The following TMED10 variants were observed in gnomAD, a reference collection of about 807,000 sequenced individuals.
The protein encoded by TMED10 is transmembrane emp24 domain-containing protein 10.
In TMED10, 7 loss-of-function variants were observed where a neutral mutation model predicts 23.1. The ratio of observed to expected loss-of-function variants is 0.30; its 90% CI spans 0.17 to 0.57. The LOEUF (loss-of-function observed/expected upper bound fraction) is 0.57, where lower values mean the gene tolerates loss of function less well. Among genes scored for constraint, TMED10 ranks in the 20% least tolerant of loss-of-function variants. The pLI, the probability that TMED10 is intolerant of heterozygous loss-of-function variation, is 0.91. For synonymous variants in TMED10, 113 were observed against 106.9 expected (o/e 1.06, Z -0.35); for missense variants, 162 against 274.8 (o/e 0.59, Z 2.90).
chr14:75,150,919 T>C (rs1895948171), intron 2 of TMED10, among the ~76,000 whole-genome samples: 1 of 152,224 alleles, frequency 6.6e-6, no homozygotes. Context: ...TTTGTTTGTT[T>C]TGAGACAGAG....
chr14:75,139,929 G>A (rs975518162), intron 3 of TMED10, among the ~76,000 whole-genome samples: 2 of 152,006 alleles, frequency 1.3e-5, no homozygotes, highest in Non-Finnish European at 2.9e-5. Context: ...TCTAAACCTA[G>A]AAATCCAAAT....
chr14:75,176,541 A>G lies in TMED10; in HGVS notation c.39T>C (p.Pro13=), dbSNP rs1380468827. ...ACAAAAGCAGCAACGCTAACGGAAAAGGGCCGCGCCGGGCTGGTGGGCCAG... is the reference window on the plus strand; with the variant it reads ...ACAAAAGCAGCAACGCTAACGGAAAGGGGCCGCGCCGGGCTGGTGGGCCAG... ...GLSGPPARRG[P]FPLALLLLFL... Residue 13 remains proline (P), a synonymous_variant, in exon 1 of 5, where the codon CCT becomes CCC. Transcript: ENST00000303575. The G allele has an allele frequency of 1.2e-6, 2 of 1,614,114 alleles. No homozygotes were observed. The highest frequency in any genetic ancestry group is 1.1e-5 in the South Asian group (1 of 91,076).
intron 1 of TMED10, among the ~76,000 whole-genome samples, chr14:75,173,824 A>G (rs2139865534): frequency 6.6e-6 from 1 of 152,246 alleles, no homozygotes; most frequent in Non-Finnish European, 1.5e-5. Context: ...ACTGCCTCCC[A>G]GGTTCTAGTG....
chr14:75,169,674 T>C (rs1472745735), intron 1 of TMED10, among the ~76,000 whole-genome samples: 4 of 152,062 alleles, frequency 2.6e-5, no homozygotes, highest in Non-Finnish European at 5.9e-5. Context: ...AAAGACTGCC[T>C]CATTCAGCAC....
intron 1 of TMED10, among the ~76,000 whole-genome samples, chr14:75,166,898 G>C (rs1457411142): frequency 1.3e-5 from 2 of 150,932 alleles, no homozygotes; most frequent in African/African-American, 4.9e-5. Context: ...TTGATAAAAA[G>C]GATGGTTCAT....
intron 3 of TMED10, among the ~76,000 whole-genome samples, chr14:75,145,420 T>C (rs1232545522): frequency 6.6e-6 from 1 of 152,186 alleles, no homozygotes; most frequent in Non-Finnish European, 1.5e-5. Flanking sequence ...AAACCCACAA[T>C]AATGTCATCT....
At chr14:75,143,779 C>T (rs1246698232) in intron 3 of TMED10, among the ~76,000 whole-genome samples, 1 of 152,030 alleles carries the variant, frequency 6.6e-6, no homozygotes, top group Non-Finnish European at 1.5e-5. Flanking sequence ...ACTAAAAATA[C>T]AAAAATTAGC....
intron 1 of TMED10, among the ~76,000 whole-genome samples, chr14:75,164,162 T>C (rs1284624007): frequency 2.0e-5 from 3 of 151,068 alleles, no homozygotes; most frequent in Non-Finnish European, 4.4e-5. Context: ...GACTCCCGGG[T>C]TCAAGCAATT....
chr14:75,132,921 TTTC>T lies in TMED10; in HGVS notation c.*1961_*1963del, dbSNP rs1333261521. The T allele has an allele frequency of 1.3e-5, 2 of 152,440 alleles. No individual in the cohort carries two copies. The highest frequency in any genetic ancestry group is 1.3e-4 in the Admixed American group (2 of 15,290). 9.4% of individuals were successfully genotyped at this position (152,440 alleles called of 1,614,324 possible). On this transcript the variant is annotated 3_prime_UTR_variant, in exon 5 of 5. Coordinates refer to ENST00000303575, the MANE Select transcript of TMED10 (RefSeq NM_006827.6). ...ACTTTCTTGGGAGATGTGGGAAAGA[TTTC>T]AAGTCACAGCATTTTTCATAACTGT... is the stretch of plus-strand genomic sequence containing the variant.
At chr14:75,162,654 A>AG (rs1377598680) in intron 1 of TMED10, among the ~76,000 whole-genome samples, 1 of 152,174 alleles carries the variant, frequency 6.6e-6, no homozygotes, top group African/African-American at 2.4e-5. Flanking sequence ...AACATCATTA[A>AG]GGGGGAAAAA....
In TMED10 at chr14:75,132,946, CTG is replaced by C. The variant is rs1895705509; in HGVS notation, c.*1937_*1938del. On this transcript the variant is annotated 3_prime_UTR_variant, in exon 5 of 5. Coordinates refer to ENST00000303575, the MANE Select transcript of TMED10 (RefSeq NM_006827.6). ...TTTCAAGTCACAGCATTTTTCATAA[CTG>C]TTTATAAACAATGGTCATTTATATC... The C allele has an allele frequency of 6.6e-6, 1 of 152,408 alleles. No homozygotes were observed. Among genetic ancestry groups the C allele is most frequent in the African/African-American group, 2.4e-5 (1 of 41,584 alleles). 9.4% of individuals were successfully genotyped at this position (152,408 alleles called of 1,614,324 possible). A position where few individuals can be genotyped will look rare whatever the true frequency, so the allele number is the denominator to read the frequency against.
At chr14:75,153,150 CG>C (rs1895975388) in intron 1 of TMED10, among the ~76,000 whole-genome samples, 1 of 150,650 alleles carries the variant, frequency 6.6e-6, no homozygotes, top group African/African-American at 2.4e-5. Context: ...ACCAACATGG[CG>C]AAACCTCATC....
At chr14:75,138,832 T>TTC (rs1895786907) in intron 3 of TMED10, among the ~76,000 whole-genome samples, 9 of 148,946 alleles carry the variant, frequency 6.0e-5, no homozygotes, top group Non-Finnish European at 7.5e-5. Flanking sequence ...TTTTTTTTTT[T>TTC]ATTTTTGTTG....
chr14:75,136,718 G>C (rs1004328077), intron 3 of TMED10: 5 of 152,144 alleles, frequency 3.3e-5, no homozygotes. Context: ...TTTAATATCA[G>C]AGCTCAGATG....
intron 1 of TMED10, among the ~76,000 whole-genome samples, chr14:75,169,579 A>G (rs1305421974): frequency 6.6e-6 from 1 of 151,976 alleles, no homozygotes; most frequent in Non-Finnish European, 1.5e-5. Context: ...AATTGCTTGA[A>G]CCTGGGAGGC....
chr14:75,136,450 T>C (rs1895750927), intron 3 of TMED10, among the ~76,000 whole-genome samples: 3 of 152,218 alleles, frequency 2.0e-5, no homozygotes, highest in Admixed American at 1.3e-4. Context: ...TGAGCCACCA[T>C]GCCCAGCTGA....
intron 1 of TMED10, among the ~76,000 whole-genome samples, chr14:75,163,358 T>C (rs138788892): frequency 0.011 from 1,630 of 151,634 alleles, 29 homozygotes; most frequent in African/African-American, 0.038. Flanking sequence ...TTCGAGACCA[T>C]CTTGCCTAAC....
In TMED10 at chr14:75,134,808, G is replaced by A. The variant is rs1895727827; in HGVS notation, c.*77C>T. 6.3e-7 allele frequency: 1 copy of A among 1,587,066 alleles called. No individual in the cohort carries two copies. The highest frequency in any genetic ancestry group is 8.6e-7 in the Non-Finnish European group (1 of 1,160,280). ...CGTGCCTTGATGGTGCTGTTGGTAG[G>A]ATGCCTTAGGCCAGGCACGTCCCAG... On this transcript the variant is annotated 3_prime_UTR_variant, in exon 5 of 5. Coordinates refer to ENST00000303575, the MANE Select transcript of TMED10 (RefSeq NM_006827.6).
intron 3 of TMED10, among the ~76,000 whole-genome samples, chr14:75,142,225 A>G (rs1895831799): frequency 6.6e-6 from 1 of 152,206 alleles, no homozygotes; most frequent in South Asian, 2.1e-4. Context: ...GGCAAGCTGC[A>G]TGTAGTTGTT....
Sources: allele counts gnomAD v4.1 joint callset (sites outside exome capture counted in the v4.1 genomes callset), GRCh38; gene constraint gnomAD v4.1.1; transcripts MANE v1.5; gene names NCBI Gene and HGNC (gene_info 2026-07-23, HGNC 2026-07-21).